The following KIF26B variants were observed in gnomAD, a reference collection of about 807,000 sequenced individuals.
KIF26B encodes kinesin family member 26B, also known as kinesin-like protein KIF26B.
A neutral mutation model predicts 151.2 loss-of-function variants in KIF26B; 63 were observed. The ratio of observed to expected loss-of-function variants is 0.42; its 90% CI spans 0.34 to 0.51. KIF26B has a LOEUF of 0.51. Ranked by LOEUF, KIF26B falls within the 20% of genes least tolerant of loss-of-function variation. The pLI is 0.07. For missense variants in KIF26B, 2,813 were observed against 2,913.6 expected (o/e 0.97, Z 0.79); for synonymous variants, 1,357 against 1,262.1 (o/e 1.08, Z -1.59).
chr1:245,634,632 GT>G (rs926171001), intron 9 of KIF26B, among the ~76,000 whole-genome samples: 17 of 151,928 alleles, frequency 1.1e-4, no homozygotes, highest in African/African-American at 3.1e-4. Context: ...TATTGATTAG[GT>G]TTTTTTTGTT....
chr1:245,417,996 T>C (rs1674461816), intron 3 of KIF26B, among the ~76,000 whole-genome samples: 4 of 152,112 alleles, frequency 2.6e-5, no homozygotes, highest in Admixed American at 2.6e-4. Context: ...AAAAAAGTTG[T>C]CGCATGAATT....
intron 2 of KIF26B, among the ~76,000 whole-genome samples, chr1:245,266,101 A>G (rs1197251585): frequency 1.3e-5 from 2 of 152,224 alleles, no homozygotes; most frequent in South Asian, 4.1e-4. Flanking sequence ...GTAAAGAACT[A>G]TTAAATAAGA....
chr1:245,550,952 AGGACAAAGGGCCCTG>A (rs1661867497), intron 5 of KIF26B, among the ~76,000 whole-genome samples: 1 of 152,208 alleles, frequency 6.6e-6, no homozygotes, highest in East Asian at 1.9e-4. Flanking sequence ...TTTGGGAAGC[AGGACAAAGGGCCCTG>A]GGGAATGCCT....
chr1:245,701,258 G>A (rs2044768250), intron 14 of KIF26B, among the ~76,000 whole-genome samples: 1 of 152,184 alleles, frequency 6.6e-6, no homozygotes, highest in South Asian at 2.1e-4. Flanking sequence ...AAGGATCAAT[G>A]AGCTGCCTGC....
In KIF26B at chr1:245,244,888, T is replaced by C. The variant is rs1279459804; in HGVS notation, c.465+88205T>C. 6.6e-6 allele frequency among the ~76,000 whole-genome samples: 1 copy of C among 152,094 alleles called. No homozygotes were observed. The highest frequency in any genetic ancestry group is 1.5e-5 in the Non-Finnish European group (1 of 68,026). ...AGTCCCTTCTACTTTATTCAGAGATTATCATCATGACTGCTCATGATGGCA... is the reference window on the plus strand; with the variant it reads ...AGTCCCTTCTACTTTATTCAGAGATCATCATCATGACTGCTCATGATGGCA... On this transcript the variant is annotated intron_variant, in intron 2 of 14. Transcript: ENST00000407071. The surrounding 1 kb of genome is among the most constrained non-coding windows in gnomAD (Gnocchi z 4.2).
At chr1:245,585,518 C>G (rs1265902186) in intron 5 of KIF26B, among the ~76,000 whole-genome samples, 1 of 151,208 alleles carries the variant, frequency 6.6e-6, no homozygotes, top group Non-Finnish European at 1.5e-5. Context: ...GGCTGCCGTT[C>G]CTTCTCCACT....
chr1:245,583,671 T>C (rs2043198926), intron 5 of KIF26B, among the ~76,000 whole-genome samples: 1 of 152,196 alleles, frequency 6.6e-6, no homozygotes, highest in Non-Finnish European at 1.5e-5. Context: ...GGTGGTATCA[T>C]AATAAGATCC....
chr1:245,685,944 G>A lies in KIF26B; in HGVS notation c.2961G>A (p.Gln987=). Residue 987 remains glutamine (Q), a synonymous_variant, in exon 12 of 15, where the codon CAG becomes CAA. Coordinates refer to ENST00000407071, the MANE Select transcript of KIF26B (RefSeq NM_018012.4). ...SDKEDNGSEG[Q]LTNREGPELP... ...AGGAAGATAATGGGTCCGAAGGTCAGCTGACCAACAGAGAAGGCCCTGAAC... is the reference window on the plus strand; with the variant it reads ...AGGAAGATAATGGGTCCGAAGGTCAACTGACCAACAGAGAAGGCCCTGAAC... 6.2e-7 allele frequency: 1 copy of A among 1,610,228 alleles called. No individual in the cohort carries two copies.
rs558960323 is a variant in KIF26B at position 245,488,678 on chromosome 1, G to A, written c.1167-52089G>A. Among the ~76,000 whole-genome samples the A allele has an allele frequency of 8.4e-4, 128 of 152,136 alleles. No homozygotes were observed. The highest frequency in any genetic ancestry group is 1.2e-3 in the Non-Finnish European group (80 of 68,038). On this transcript the variant is annotated intron_variant, in intron 4 of 14. Transcript: ENST00000407071. This position sits in a 1 kb window ranked among gnomAD's most constrained non-coding sequence, Gnocchi z 4.6. ...TTTGATGAACTGAAGACTGGGGTCC[G>A]GGTTGTAATGGAGACTTAGAGTTGA...
chr1:245,284,270 G>A (rs763126135), intron 2 of KIF26B, among the ~76,000 whole-genome samples: 36 of 152,078 alleles, frequency 2.4e-4, no homozygotes, highest in Admixed American at 1.4e-3. Context: ...TGTTGATTTA[G>A]CTACAGTAAT....
In KIF26B at chr1:245,686,722, C is replaced by T; in HGVS notation, c.3739C>T (p.Pro1247Ser). Residue 1247 changes from proline (P) to serine (S), a missense_variant, in exon 12 of 15, where the codon CCC becomes TCC. By Grantham distance (74) the Pro-to-Ser change is moderately conservative. This residue lies in a region of KIF26B where 2,060 missense variants were observed against 2,088.6 expected (regional missense o/e 0.99). Coordinates refer to ENST00000407071, the MANE Select transcript of KIF26B (RefSeq NM_018012.4). This position sits in a 1 kb window ranked among gnomAD's most constrained non-coding sequence, Gnocchi z 5.6. ...EDLECYSSTA[P>S]VSEVSITQFL... The stretch of plus-strand genomic sequence containing the variant: ...CCTGGAGTGCTACTCCAGCACGGCC[C>T]CCGTCTCCGAGGTCAGCATCACACA... 1 of 1,613,484 alleles carries T rather than the reference C, an allele frequency of 6.2e-7. No individual in the cohort carries two copies. Among genetic ancestry groups the T allele is most frequent in the Non-Finnish European group, 8.5e-7 (1 of 1,179,802 alleles).
chr1:245,212,997 T>A (rs1268058220), intron 2 of KIF26B, among the ~76,000 whole-genome samples: 2 of 152,214 alleles, frequency 1.3e-5, no homozygotes, highest in Non-Finnish European at 2.9e-5. Context: ...ATTCACACAT[T>A]TCTAGGCCTG....
At chr1:245,380,984 G>A (rs145161258) in intron 3 of KIF26B, among the ~76,000 whole-genome samples, 245 of 151,156 alleles carry the variant, frequency 1.6e-3, no homozygotes, top group African/African-American at 5.3e-3. Flanking sequence ...AAGGCTGTGT[G>A]GGCAATGCTG....
At chr1:245,270,676 C>A (rs1021867164) in intron 2 of KIF26B, among the ~76,000 whole-genome samples, 2 of 152,136 alleles carry the variant, frequency 1.3e-5, no homozygotes, top group Admixed American at 1.3e-4. Context: ...ATATCAATCT[C>A]TTTTCAGATA....
chr1:245,411,830 G>A (rs1314601832), intron 3 of KIF26B, among the ~76,000 whole-genome samples: 1 of 152,096 alleles, frequency 6.6e-6, no homozygotes, highest in Admixed American at 6.5e-5. Context: ...TATGAGCAAA[G>A]ACTGAATAAG....
At chr1:245,484,444 A>T (rs1242509780) in intron 4 of KIF26B, among the ~76,000 whole-genome samples, 1 of 151,762 alleles carries the variant, frequency 6.6e-6, no homozygotes, top group Non-Finnish European at 1.5e-5. Flanking sequence ...GGCCCCTCCT[A>T]ACCCTGTCCC....
At chr1:245,595,099 G>A (rs1431164258) in intron 5 of KIF26B, among the ~76,000 whole-genome samples, 4 of 152,160 alleles carry the variant, frequency 2.6e-5, no homozygotes, top group Admixed American at 1.3e-4. Flanking sequence ...ATAGAATCAT[G>A]TTATCTGCAA....
intron 4 of KIF26B, among the ~76,000 whole-genome samples, chr1:245,455,933 C>A (rs1659508804): frequency 1.3e-5 from 2 of 152,152 alleles, no homozygotes; most frequent in Non-Finnish European, 2.9e-5. Context: ...ATCTAAATTT[C>A]TGTAATTATC....
rs1015034762 is a variant in KIF26B, at chr1:245,601,933, C to T, written c.1351-644C>T. 1.3e-5 allele frequency among the ~76,000 whole-genome samples: 2 copies of T among 152,200 alleles called. No individual in the cohort carries two copies. The highest frequency in any genetic ancestry group is 1.9e-4 in the East Asian group (1 of 5,198). On this transcript the variant is annotated intron_variant, in intron 5 of 14. Coordinates refer to ENST00000407071, the MANE Select transcript of KIF26B (RefSeq NM_018012.4). This position sits in a 1 kb window ranked among gnomAD's most constrained non-coding sequence, Gnocchi z 4.4. Reference sequence around the variant, plus strand: ...CAGAAAGTGGGCTAAAGGGCAGCGCCTCCTGCTCCCTCCAGAGATGCACTT... The same window carrying T: ...CAGAAAGTGGGCTAAAGGGCAGCGCTTCCTGCTCCCTCCAGAGATGCACTT...
Sources: allele counts gnomAD v4.1 joint callset (sites outside exome capture counted in the v4.1 genomes callset), GRCh38; gene constraint gnomAD v4.1.1; regional missense constraint gnomAD v4.1.1; non-coding constraint Gnocchi (gnomAD v3.1); transcripts MANE v1.5; gene names NCBI Gene and HGNC (gene_info 2026-07-23, HGNC 2026-07-21).